The following SYT14 variants were observed in gnomAD, a reference collection of about 807,000 sequenced individuals.
SYT14 encodes synaptotagmin-14.
A neutral mutation model predicts 74.2 loss-of-function variants in SYT14; 32 were observed. That is an observed-to-expected ratio of 0.43 (90% CI 0.33 to 0.58). The LOEUF is 0.58. Ranked by LOEUF, SYT14 falls within the 20% of genes least tolerant of loss-of-function variation. The probability of loss-of-function intolerance (pLI) is 0.05; values close to 1 mark genes in which losing one functional copy is unlikely to be tolerated. For synonymous variants in SYT14, 298 were observed against 337.7 expected, an observed-to-expected ratio of 0.88 and a Z score of 1.29; for missense variants, 791 against 981.8, an observed-to-expected ratio of 0.81 and a Z score of 2.60.
chr1:209,963,443 A>G (rs2079107673), intron 2 of SYT14, among the ~76,000 whole-genome samples: 2 of 152,106 alleles, frequency 1.3e-5, no homozygotes, highest in African/African-American at 4.8e-5. Context: ...AACCTATTTC[A>G]TTCTAAGACT....
chr1:210,131,655 C>T (rs1194563657), intron 7 of SYT14, among the ~76,000 whole-genome samples: 1 of 151,906 alleles, frequency 6.6e-6, no homozygotes, highest in Non-Finnish European at 1.5e-5. Flanking sequence ...AATTCAGCAC[C>T]ACAGGATTCA....
chr1:210,112,395 C>G (rs954131873), intron 7 of SYT14, among the ~76,000 whole-genome samples: 3 of 151,314 alleles, frequency 2.0e-5, no homozygotes, highest in Non-Finnish European at 4.4e-5. Flanking sequence ...AAGAGGCAGG[C>G]TAGTGGCTTG....
At chr1:209,985,790 A>G (rs555053429) in intron 2 of SYT14, among the ~76,000 whole-genome samples, 1 of 152,352 alleles carries the variant, frequency 6.6e-6, no homozygotes, top group African/African-American at 2.4e-5. Flanking sequence ...TTGCACTCCA[A>G]GTGCCTACAG....
At chr1:210,092,652 T>C (rs1421984063) in intron 5 of SYT14, among the ~76,000 whole-genome samples, 2 of 152,384 alleles carry the variant, frequency 1.3e-5, no homozygotes, top group Admixed American at 6.5e-5. Flanking sequence ...ATGTCTAATC[T>C]GTCTTCTTGA....
At chr1:209,972,864 A>T (rs1186725596) in intron 2 of SYT14, among the ~76,000 whole-genome samples, 1 of 151,908 alleles carries the variant, frequency 6.6e-6, no homozygotes, top group Non-Finnish European at 1.5e-5. Flanking sequence ...TATTAGGTTC[A>T]GTTGGTCAAG....
At chr1:209,967,455 T>G (rs2079173647) in intron 2 of SYT14, among the ~76,000 whole-genome samples, 1 of 152,062 alleles carries the variant, frequency 6.6e-6, no homozygotes. Flanking sequence ...TAAACCTTCT[T>G]TATGGGAAGG....
intron 7 of SYT14, among the ~76,000 whole-genome samples, chr1:210,133,756 G>GT (rs1019857894): frequency 2.6e-5 from 4 of 151,332 alleles, no homozygotes; most frequent in Non-Finnish European, 5.9e-5. Flanking sequence ...TAATTTTGAT[G>GT]TTTTTTTGGC....
chr1:210,112,210 C>T (rs1558196717), intron 7 of SYT14, among the ~76,000 whole-genome samples: 1 of 151,192 alleles, frequency 6.6e-6, no homozygotes, highest in Non-Finnish European at 1.5e-5. Context: ...TGACTCAGGG[C>T]ATGTGAGTTA....
At chr1:209,998,925 C>G (rs942605002) in intron 2 of SYT14, among the ~76,000 whole-genome samples, 1 of 151,902 alleles carries the variant, frequency 6.6e-6, no homozygotes. Flanking sequence ...AGCTAAAACC[C>G]CCCAAAATAG....
chr1:209,948,186 A>G (rs2078852828), intron 1 of SYT14, among the ~76,000 whole-genome samples: 2 of 152,178 alleles, frequency 1.3e-5, no homozygotes, highest in Admixed American at 1.3e-4. Context: ...CTGTACCTGG[A>G]TGTATTTCGA....
intron 8 of SYT14, among the ~76,000 whole-genome samples, chr1:210,156,212 A>T (rs1160573449): frequency 6.6e-6 from 1 of 152,206 alleles, no homozygotes; most frequent in Non-Finnish European, 1.5e-5. Context: ...AAAGTGAGTA[A>T]TGTTCACAAA....
intron 7 of SYT14, among the ~76,000 whole-genome samples, chr1:210,123,313 G>A (rs1029078853): frequency 1.3e-5 from 2 of 152,170 alleles, no homozygotes; most frequent in Non-Finnish European, 2.9e-5. Flanking sequence ...ACCACCTTCT[G>A]AAGACATTGT....
At chr1:210,162,609 C>T (rs571590877) in exon 10 of SYT14, 24 of 388,074 alleles carry the variant, frequency 6.2e-5, no homozygotes, top group South Asian at 4.4e-4. Flanking sequence ...TACTAAAAAG[C>T]AGTATATCAT....
intron 7 of SYT14, among the ~76,000 whole-genome samples, chr1:210,145,351 G>A (rs909743199): frequency 3.3e-5 from 5 of 152,174 alleles, no homozygotes; most frequent in African/African-American, 9.7e-5. Flanking sequence ...GTATATCTGA[G>A]CATGTTACTC....
chr1:209,952,835 G>A (rs957548345), intron 2 of SYT14, 79 bp downstream of exon 2: 34 of 1,354,054 alleles, frequency 2.5e-5, no homozygotes, highest in African/African-American at 1.0e-4. Flanking sequence ...GTAGGATGGC[G>A]GATAATTTGT....
At chr1:210,163,471 C>T (rs150180335) in exon 10 of SYT14, 4 of 453,548 alleles carry the variant, frequency 8.8e-6, no homozygotes, top group African/African-American at 2.0e-5. Context: ...CACACATGCA[C>T]CATTACACAT....
chr1:210,134,112 C>A (rs117731911), intron 7 of SYT14, among the ~76,000 whole-genome samples: 5,007 of 151,892 alleles, frequency 0.033, 570 homozygotes, highest in Admixed American at 0.23. Context: ...CATTCTGTCA[C>A]CCAGGCTGGA....
chr1:210,058,003 G>A (rs1271066347), intron 5 of SYT14, among the ~76,000 whole-genome samples: 1 of 152,176 alleles, frequency 6.6e-6, no homozygotes, highest in African/African-American at 2.4e-5. Context: ...ACAGATTATA[G>A]TGATGTATAA....
rs146932253 is a variant in SYT14 at position 210,051,627 on chromosome 1, A to G, written c.1312+30373A>G. Among the ~76,000 whole-genome samples, 419 of 152,282 alleles carry G rather than the reference A, an allele frequency of 2.8e-3. 2 individuals are homozygous for G. Among genetic ancestry groups the G allele is most frequent in the African/African-American group, 9.5e-3 (393 of 41,562 alleles). Reference sequence around the variant, plus strand: ...TCTTGTTATTTTCCCTTCACATAGAATACTACATATGTGTGTATGTGTGTA... The same window carrying G: ...TCTTGTTATTTTCCCTTCACATAGAGTACTACATATGTGTGTATGTGTGTA... On this transcript the variant is annotated intron_variant, in intron 5 of 9. Coordinates refer to ENST00000637265, the Ensembl canonical transcript of SYT14.
Sources: allele counts gnomAD v4.1 joint callset (sites outside exome capture counted in the v4.1 genomes callset), GRCh38; gene constraint gnomAD v4.1.1; transcripts MANE v1.5; gene names NCBI Gene and HGNC (gene_info 2026-07-23, HGNC 2026-07-21).